DYTN: variants seen among roughly 807,000 people sequenced by gnomAD.
DYTN encodes the protein dystrotelin.
DYTN carries 75 observed loss-of-function variants against 69.6 expected under a neutral mutation model. The ratio of observed to expected loss-of-function variants is 1.08; its 90% CI spans 0.89 to 1.31. DYTN has a LOEUF of 1.31. Ranked by LOEUF, DYTN falls within the 50% of genes most tolerant of loss-of-function variation. The pLI is 0.00. For missense variants in DYTN, 726 were observed against 688.4 expected (o/e 1.05, Z -0.61); for synonymous variants, 252 against 249.1 (o/e 1.01, Z -0.11).
At chr2:206,652,064 A>C (rs748794845) in intron 11 of DYTN, 143 bp from the exon 12 acceptor site, 17 of 668,400 alleles carry the variant, frequency 2.5e-5, no homozygotes, top group Non-Finnish European at 3.7e-5. Flanking sequence ...TTAGCCAGCA[A>C]ATAAGATGGC....
chr2:206,697,163 T>C (rs1574599950), intron 7 of DYTN, among the ~76,000 whole-genome samples: 3 of 152,360 alleles, frequency 2.0e-5, no homozygotes, highest in African/African-American at 4.8e-5. Context: ...TAGGATAATA[T>C]GCTGCTCTAT....
intron 9 of DYTN, among the ~76,000 whole-genome samples, chr2:206,685,892 C>T (rs1284257830): frequency 6.6e-6 from 1 of 151,708 alleles, no homozygotes; most frequent in Non-Finnish European, 1.5e-5. Flanking sequence ...CCCCTTACTC[C>T]TATAAGAGCA....
At chr2:206,673,352 G>A (rs975674043) in intron 9 of DYTN, among the ~76,000 whole-genome samples, 1 of 152,082 alleles carries the variant, frequency 6.6e-6, no homozygotes, top group African/African-American at 2.4e-5. Context: ...CCTCCTTCTG[G>A]GTTCAAGCGA....
intron 11 of DYTN, among the ~76,000 whole-genome samples, chr2:206,656,371 T>C (rs1338953513): frequency 1.3e-5 from 2 of 152,290 alleles, no homozygotes; most frequent in East Asian, 3.9e-4. Context: ...TTTGTGTCCT[T>C]AAATCTGAAG....
chr2:206,686,651 A>G (rs150645174), intron 9 of DYTN: 1 of 152,348 alleles, frequency 6.6e-6, no homozygotes, highest in Non-Finnish European at 1.5e-5. Flanking sequence ...AAGACCATGT[A>G]TATAGGGACA....
intron 9 of DYTN, among the ~76,000 whole-genome samples, chr2:206,675,104 C>CATAT (rs1292459221): frequency 1.5e-5 from 2 of 134,848 alleles, no homozygotes; most frequent in African/African-American, 5.6e-5. Flanking sequence ...GGGGAAAAAA[C>CATAT]ATATATATAT....
intron 9 of DYTN, among the ~76,000 whole-genome samples, chr2:206,668,208 G>A (rs548475536): frequency 9.9e-5 from 15 of 152,280 alleles, no homozygotes; most frequent in African/African-American, 3.6e-4. Context: ...CACTAACGAT[G>A]TCAGGCTCTC....
chr2:206,693,127 C>A, intron 9 of DYTN, 48 bp downstream of exon 9: 2 of 1,553,658 alleles, frequency 1.3e-6, no homozygotes, highest in Admixed American at 1.9e-5. Context: ...ACACCCAGGG[C>A]CCTTGGTGGC....
chr2:206,716,125 A>C (rs1265539439), intron 1 of DYTN, among the ~76,000 whole-genome samples: 1 of 152,138 alleles, frequency 6.6e-6, no homozygotes, highest in Non-Finnish European at 1.5e-5. Context: ...AAGAAAAAGA[A>C]AGAAAGAAAG....
Position 206,693,224 on chromosome 2 carries a change from G to C in DYTN, c.931C>G (p.Leu311Val), listed in dbSNP as rs1699884102. 6.2e-7 allele frequency: 1 copy of C among 1,613,462 alleles called. No individual in the cohort carries two copies. Residue 311 changes from leucine (L) to valine (V), a missense_variant, in exon 9 of 12, where the codon CTG becomes GTG. By Grantham distance (32) the Leu-to-Val change is conservative. Transcript: ENST00000452335. Reference sequence around the variant, plus strand: ...CCCTTTGGATTCACCTGGTCCAGCAGCTGCTGCCTTCTCGCTGCTTCTTTC... The same window carrying C: ...CCCTTTGGATTCACCTGGTCCAGCACCTGCTGCCTTCTCGCTGCTTCTTTC... Reference protein sequence around the residue: ...RKKEAARRQQLLDQVNPKGVP... With the variant: ...RKKEAARRQQVLDQVNPKGVP...
rs1344765902 is a variant in DYTN at position 206,659,257 on chromosome 2, C to T, written c.1633+3646G>A. On this transcript the variant is annotated intron_variant, in intron 11 of 11. Coordinates refer to ENST00000452335, the MANE Select transcript of DYTN (RefSeq NM_001093730.1). ...CGCGATCTCAGCTCACTGCAAGCTC[C>T]GCCTCCTGGGTTCAAGCCATTCTCC... Among the ~76,000 whole-genome samples, 6 of 148,266 alleles carry T rather than the reference C, an allele frequency of 4.0e-5. No homozygotes were observed. The South Asian group carries it at 8.5e-4, about 21-fold the overall frequency.
intron 1 of DYTN, among the ~76,000 whole-genome samples, chr2:206,715,744 C>G (rs11890916): frequency 0.24 from 36,467 of 152,094 alleles, 4,670 homozygotes; most frequent in African/African-American, 0.32. Context: ...GTTAGAGAAC[C>G]ATAGGAGTTC....
intron 9 of DYTN, among the ~76,000 whole-genome samples, chr2:206,673,053 A>G (rs548304854): frequency 6.6e-6 from 1 of 152,266 alleles, no homozygotes; most frequent in South Asian, 2.1e-4. Context: ...AGTTTCCACT[A>G]GTTATTTTCC....
At chr2:206,695,861 A>G (rs993221755) in intron 7 of DYTN, among the ~76,000 whole-genome samples, 1 of 152,228 alleles carries the variant, frequency 6.6e-6, no homozygotes, top group Non-Finnish European at 1.5e-5. Flanking sequence ...TGAGCTAGCT[A>G]TAGTCCCTAC....
intron 7 of DYTN, 45 bp from the exon 8 acceptor site, chr2:206,694,922 G>GAAAA (rs71410896): frequency 8.5e-5 from 61 of 714,684 alleles, no homozygotes; most frequent in South Asian, 3.7e-4. Context: ...TAGTAGATGA[G>GAAAA]AAAAAAAAAA....
chr2:206,663,479 G>C, intron 10 of DYTN, 84 bp from the exon 11 acceptor site: 4 of 1,401,224 alleles, frequency 2.9e-6, no homozygotes, highest in Non-Finnish European at 3.8e-6. Context: ...CATTCCAACA[G>C]AACATTCTAA....
intron 8 of DYTN, among the ~76,000 whole-genome samples, chr2:206,693,832 T>G (rs1699890366): frequency 6.6e-6 from 1 of 152,126 alleles, no homozygotes; most frequent in Admixed American, 6.5e-5. Flanking sequence ...CACTTGAAAT[T>G]TAAAGCGTAA....
chr2:206,704,679 A>G (rs1178792605), intron 5 of DYTN, among the ~76,000 whole-genome samples, 164 bp downstream of exon 5: 10 of 152,236 alleles, frequency 6.6e-5, no homozygotes, highest in Admixed American at 2.0e-4. Context: ...CCTTATGAGT[A>G]TAAGTTAAGT....
chr2:206,704,813 A>G, intron 5 of DYTN, 30 bp downstream of exon 5: 2 of 1,572,998 alleles, frequency 1.3e-6, no homozygotes, highest in South Asian at 1.1e-5. Context: ...ACTGAAACAA[A>G]TGTACAGTTC....
Sources: allele counts gnomAD v4.1 joint callset (sites outside exome capture counted in the v4.1 genomes callset), GRCh38; gene constraint gnomAD v4.1.1; transcripts MANE v1.5; gene names NCBI Gene and HGNC (gene_info 2026-07-23, HGNC 2026-07-21).